PRL: variants seen among roughly 807,000 people sequenced by gnomAD.
PRL encodes the protein decidual prolactin.
In PRL, 24 loss-of-function variants were observed where a neutral mutation model predicts 21.3. The observed-to-expected ratio is 1.13, with a 90% CI of 0.82 to 1.59. The LOEUF is 1.59. Among genes scored for constraint, PRL ranks in the 40% most tolerant of loss-of-function variants. The pLI, the probability that PRL is intolerant of heterozygous loss-of-function variation, is 0.00. For missense variants in PRL, 243 were observed against 286.9 expected (o/e 0.85, Z 1.10); for synonymous variants, 118 against 115.7 (o/e 1.02, Z -0.13).
At chr6:22,287,649 C>T (rs1760951455) in intron 4 of PRL, 56 bp from the exon 5 acceptor site, 1 of 1,371,000 alleles carries the variant, frequency 7.3e-7, no homozygotes, top group Non-Finnish European at 9.8e-7. Context: ...TTTGTATGTC[C>T]TTGTTCTTTC....
chr6:22,295,321 G>T (rs748116539), intron 1 of PRL, among the ~76,000 whole-genome samples: 1 of 152,052 alleles, frequency 6.6e-6, no homozygotes, highest in East Asian at 1.9e-4. Context: ...TCCCCAAGTC[G>T]TATCATTAGT....
chr6:22,301,974 G>A (rs1761288883), upstream of PRL, among the ~76,000 whole-genome samples: 2 of 152,086 alleles, frequency 1.3e-5, no homozygotes, highest in African/African-American at 2.4e-5. Context: ...TCAAGCTGTT[G>A]AAGAAGCCTT....
upstream of PRL, among the ~76,000 whole-genome samples, chr6:22,297,817 G>T (rs942889522): frequency 1.3e-5 from 2 of 152,174 alleles, no homozygotes; most frequent in Admixed American, 1.3e-4. Context: ...AAGTAATTGA[G>T]GTTTTGGGCT....
Position 22,288,901 on chromosome 6 carries a change from T to TGA in PRL, c.492+1272_492+1273insTC, listed in dbSNP as rs1561753076. ...GCGCGTGCGCGTGTGTGTGCGTGTG[T>TGA]GCGCGCGCGTGTGTGTGCGTGCGCG... On this transcript the variant is annotated intron_variant, in intron 4 of 4. Transcript: ENST00000306482. The surrounding 1 kb of genome is among the most constrained non-coding windows in gnomAD (Gnocchi z 4.5). 8.0e-5 allele frequency among the ~76,000 whole-genome samples: 12 copies of TGA among 149,776 alleles called. No individual in the cohort carries two copies. The highest frequency in any genetic ancestry group is 2.8e-4 in the African/African-American group (11 of 39,492).
rs181199162 is a variant in PRL, at chr6:22,296,515, T to G, written c.28+440A>C. On this transcript the variant is annotated intron_variant, in intron 1 of 4. Coordinates refer to ENST00000306482, the MANE Select transcript of PRL (RefSeq NM_000948.6). ...ACCAGAAAATGTTACTTTGTCCCTTTGAGAGTTGTGGCAAATTGGACCCAC... is the reference window on the plus strand; with the variant it reads ...ACCAGAAAATGTTACTTTGTCCCTTGGAGAGTTGTGGCAAATTGGACCCAC... Among the ~76,000 whole-genome samples the G allele has an allele frequency of 1.1e-4, 17 of 152,340 alleles. No homozygotes were observed. The East Asian group carries it at 3.1e-3, about 28-fold the overall frequency.
chr6:22,293,405 A>T (rs1475389963), intron 2 of PRL, among the ~76,000 whole-genome samples: 1 of 152,150 alleles, frequency 6.6e-6, no homozygotes, highest in Non-Finnish European at 1.5e-5. Context: ...ATGAAAGCGA[A>T]ATCAGAGAGT....
In PRL at chr6:22,290,287, C is replaced by T. The variant is rs753503362; in HGVS notation, c.379G>A (p.Val127Ile). The change falls in exon 4 of 5, where the codon GTC becomes ATC. Residue 127 changes from valine to isoleucine, a missense_variant. Val to Ile is a conservative substitution (Grantham distance 29). Coordinates refer to ENST00000306482, the MANE Select transcript of PRL (RefSeq NM_000948.6). Reference protein sequence around the residue: ...RSWNEPLYHLVTEVRGMQEAP... With the variant: ...RSWNEPLYHLITEVRGMQEAP... ...TCTTGCATACCACGTACTTCCGTGA[C>T]CAGATGATACAGAGGCTCATTCCAG... 6.2e-7 allele frequency: 1 copy of T among 1,612,052 alleles called. No homozygotes were observed. Among genetic ancestry groups the T allele is most frequent in the Non-Finnish European group, 8.5e-7 (1 of 1,178,540 alleles).
At position 22,296,954 on chromosome 6, in the gene PRL, C is replaced by T. The variant is rs1399156360; in HGVS notation, c.28+1G>A. The T allele has an allele frequency of 6.2e-7, 1 of 1,613,970 alleles. No homozygotes were observed. On this transcript the variant is annotated splice_donor_variant, in intron 1 of 4. Coordinates refer to ENST00000306482, the MANE Select transcript of PRL (RefSeq NM_000948.6). LOFTEE classifies it high-confidence loss of function. ...ACAACGCAGTGAGTTGTCACACATACCTTTCCATGGCGATCCTTTGATGTT... is the reference window on the plus strand; with the variant it reads ...ACAACGCAGTGAGTTGTCACACATATCTTTCCATGGCGATCCTTTGATGTT...
chr6:22,297,047 T>C (rs1761194863), upstream of PRL: 3 of 1,544,934 alleles, frequency 1.9e-6, no homozygotes, highest in African/African-American at 4.1e-5. Context: ...GGTTTTCTCT[T>C]TCCCAGATAT....
At chr6:22,294,293 G>A (rs1038069886) in intron 2 of PRL, 116 bp downstream of exon 2, 45 of 1,221,144 alleles carry the variant, frequency 3.7e-5, no homozygotes, top group Non-Finnish European at 5.0e-5. Context: ...TCTTTCACAT[G>A]TTAAAATGTA....
chr6:22,294,751 T>C (rs1269864135), intron 1 of PRL, among the ~76,000 whole-genome samples, 167 bp from the exon 2 acceptor site: 1 of 152,206 alleles, frequency 6.6e-6, no homozygotes, highest in Non-Finnish European at 1.5e-5. Flanking sequence ...ACTGTGTAAA[T>C]GTAGATATAT....
chr6:22,291,376 C>A (rs1376796823), intron 3 of PRL, among the ~76,000 whole-genome samples: 1 of 152,134 alleles, frequency 6.6e-6, no homozygotes, highest in Non-Finnish European at 1.5e-5. Context: ...AATTCCATAA[C>A]CTTTCTGAGC....
At chr6:22,294,286 T>A in intron 2 of PRL, 123 bp downstream of exon 2, 1 of 1,131,366 alleles carries the variant, frequency 8.8e-7, no homozygotes, top group Admixed American at 2.0e-5. Flanking sequence ...GGTGTCTTCT[T>A]TCACATGTTA....
chr6:22,297,969 C>T (rs1761212250), upstream of PRL, among the ~76,000 whole-genome samples: 1 of 152,204 alleles, frequency 6.6e-6, no homozygotes. Context: ...CTCTTGTAAA[C>T]ATCCTGTGGA....
chr6:22,298,217 T>C (rs1264763156), upstream of PRL, among the ~76,000 whole-genome samples: 3 of 152,214 alleles, frequency 2.0e-5, no homozygotes, highest in African/African-American at 7.2e-5. Flanking sequence ...TCTCTGACCC[T>C]GAGCCACTCT....
chr6:22,298,904 C>A (rs1761231207), upstream of PRL, among the ~76,000 whole-genome samples: 1 of 152,138 alleles, frequency 6.6e-6, no homozygotes, highest in Non-Finnish European at 1.5e-5. Flanking sequence ...CTAAGAAAAC[C>A]TAAGCTGTGT....
intron 4 of PRL, among the ~76,000 whole-genome samples, chr6:22,289,730 G>A (rs1761006339): frequency 6.6e-6 from 1 of 152,104 alleles, no homozygotes; most frequent in Non-Finnish European, 1.5e-5. Context: ...AGATCGGGGT[G>A]AGTGGCTGAG....
In PRL at chr6:22,287,522, A is replaced by G. The variant is rs760886492; in HGVS notation, c.564T>C (p.Asp188=). 6.2e-7 allele frequency: 1 copy of G among 1,614,146 alleles called. No homozygotes were observed. The highest frequency in any genetic ancestry group is 8.5e-7 in the Non-Finnish European group (1 of 1,179,984). The stretch of plus-strand genomic sequence containing the variant: ...AATAAGCAGAAAGGCGAGACTCTTC[A>G]TCAGCCATCTGCAGGGATGGAAGTC... ...WSGLPSLQMA[D]EESRLSAYYN... The change falls in exon 5 of 5, where the codon GAT becomes GAC. Residue 188 remains aspartate, a synonymous_variant. Coordinates refer to ENST00000306482, the MANE Select transcript of PRL (RefSeq NM_000948.6).
chr6:22,289,561 T>A (rs1223111549), intron 4 of PRL, among the ~76,000 whole-genome samples: 1 of 152,198 alleles, frequency 6.6e-6, no homozygotes, highest in Non-Finnish European at 1.5e-5. Flanking sequence ...TTCTATAAAT[T>A]ACAAAATGAA....
Sources: allele counts gnomAD v4.1 joint callset (sites outside exome capture counted in the v4.1 genomes callset), GRCh38; gene constraint gnomAD v4.1.1; non-coding constraint Gnocchi (gnomAD v3.1); transcripts MANE v1.5; gene names NCBI Gene and HGNC (gene_info 2026-07-23, HGNC 2026-07-21).